Variants in ERCC5 observed in about 807,000 individuals in gnomAD.
The protein encoded by ERCC5 is ERCC excision repair 5, endonuclease.
Under a neutral mutation model 105.6 loss-of-function variants are expected in ERCC5, and 68 were observed. The observed-to-expected ratio is 0.64, with a 90% confidence interval of 0.53 to 0.79. ERCC5 has a LOEUF of 0.79. ERCC5 is among the 30% of genes least tolerant of loss of function. The probability of loss-of-function intolerance (pLI) is 0.00; values close to 1 mark genes in which losing one functional copy is unlikely to be tolerated. For missense variants in ERCC5, 1,373 were observed against 1,426.7 expected (o/e 0.96, Z 0.61); for synonymous variants, 546 against 526.2 (o/e 1.04, Z -0.51).
chr13:102,872,442 A>G, intron 13 of ERCC5, 44 bp downstream of exon 13: 6 of 1,607,874 alleles, frequency 3.7e-6, no homozygotes, highest in Non-Finnish European at 5.1e-6. Context: ...CTTGTCAAAT[A>G]TGTGTTTGGT....
At chr13:102,859,232 C>A (rs4150301) in intron 6 of ERCC5, among the ~76,000 whole-genome samples, 9,463 of 152,254 alleles carry the variant, frequency 0.062, 982 homozygotes, top group African/African-American at 0.22. Flanking sequence ...AGGACAGAAT[C>A]GAAATTTTGC....
rs1882653280 is a variant in ERCC5 at position 102,862,260 on chromosome 13, G to A, written c.1111G>A (p.Gly371Arg). ...GAGTGAAAATCGAAGGCAGGCCCGT[G>A]GGAGGAACGCACCTGCTGCTGTAGA... ...LESENRRQAR[G>R]RNAPAAVDEG... is the part of the protein sequence containing the mutation. The change falls in exon 8 of 15, where the codon GGG (glycine) becomes AGG (arginine). Residue 371 changes from glycine to arginine, a missense_variant. Gly to Arg is a moderately radical substitution (Grantham distance 125). Transcript: ENST00000652225. The A allele has an allele frequency of 6.2e-7, 1 of 1,613,994 alleles. No individual in the cohort carries two copies. Among genetic ancestry groups the A allele is most frequent in the South Asian group, 1.1e-5 (1 of 91,088 alleles).
intron 5 of ERCC5, among the ~76,000 whole-genome samples, chr13:102,857,201 G>A: frequency 6.6e-6 from 1 of 152,152 alleles, no homozygotes; most frequent in East Asian, 1.9e-4. Context: ...AAAACCTCGA[G>A]ATCCTTCAGG....
chr13:102,866,098 G>A, intron 9 of ERCC5, 164 bp from the exon 10 acceptor site: 1 of 1,438,192 alleles, frequency 7.0e-7, no homozygotes, highest in Non-Finnish European at 9.6e-7. Context: ...GTTTAGTGAT[G>A]AATCTCTAAA....
intron 13 of ERCC5, 78 bp downstream of exon 13, chr13:102,872,476 T>C: frequency 6.4e-7 from 1 of 1,551,248 alleles, no homozygotes. Flanking sequence ...AAGAGAAACT[T>C]GGATCATTTT....
intron 2 of ERCC5, among the ~76,000 whole-genome samples, chr13:102,852,796 A>G (rs1023528589): frequency 2.6e-5 from 4 of 152,266 alleles, no homozygotes; most frequent in African/African-American, 9.6e-5. Flanking sequence ...TAGAAGAGTC[A>G]GAATGAGTTG....
At chr13:102,860,732 T>C (rs868310056) in intron 6 of ERCC5, among the ~76,000 whole-genome samples, 13 of 152,172 alleles carry the variant, frequency 8.5e-5, no homozygotes, top group Admixed American at 1.3e-4. Context: ...AATGAGGTAT[T>C]ATATGTAAAA....
At chr13:102,874,621 A>T (rs983434544) in intron 14 of ERCC5, 1 of 152,268 alleles carries the variant, frequency 6.6e-6, no homozygotes, top group Non-Finnish European at 1.5e-5. Flanking sequence ...TCCCGGGTTC[A>T]CGCCATTCTC....
intron 1 of ERCC5, chr13:102,849,163 T>C: frequency 1.9e-6 from 1 of 519,020 alleles, no homozygotes; most frequent in Non-Finnish European, 3.8e-6. Flanking sequence ...ACAAGACAGA[T>C]GCACATCAAC....
At chr13:102,864,318 G>A (rs1036908471) in intron 8 of ERCC5, among the ~76,000 whole-genome samples, 3 of 152,164 alleles carry the variant, frequency 2.0e-5, no homozygotes, top group Admixed American at 1.3e-4. Context: ...ATCCATTGAT[G>A]TTTACCTGAA....
chr13:102,866,292 T>G lies in ERCC5; in HGVS notation c.2230T>G (p.Leu744Val), dbSNP rs1279680274. 6.2e-7 allele frequency: 1 copy of G among 1,614,230 alleles called. No homozygotes were observed. Among genetic ancestry groups the G allele is most frequent in the South Asian group, 1.1e-5 (1 of 91,092 alleles). Residue 744 changes from leucine (L) to valine (V), a missense_variant, in exon 10 of 15, where the codon TTA becomes GTA. Coordinates refer to ENST00000652225, the MANE Select transcript of ERCC5 (RefSeq NM_000123.4). Reference sequence around the variant, plus strand: ...GTTGGAAACTCTGGAGAGCAACCTCTTAGCACAGCAGAATTCACTGAAAGC... The same window carrying G: ...GTTGGAAACTCTGGAGAGCAACCTCGTAGCACAGCAGAATTCACTGAAAGC... ...EELETLESNLLAQQNSLKAQK... is the reference protein window; with the variant it reads ...EELETLESNLVAQQNSLKAQK...
chr13:102,873,587 A>T (rs1300024624), intron 14 of ERCC5, among the ~76,000 whole-genome samples: 1 of 152,222 alleles, frequency 6.6e-6, no homozygotes, highest in Admixed American at 6.5e-5. Flanking sequence ...TGAAAAAACC[A>T]GTCTAATAAC....
intron 1 of ERCC5, among the ~76,000 whole-genome samples, 166 bp downstream of exon 1, chr13:102,846,520 C>T (rs1881970500): frequency 6.6e-6 from 1 of 152,122 alleles, no homozygotes; most frequent in South Asian, 2.1e-4. Flanking sequence ...AGTCGTCCCT[C>T]GGTATCCCCG....
At chr13:102,851,371 T>G (rs1882194415) in intron 1 of ERCC5, among the ~76,000 whole-genome samples, 1 of 152,188 alleles carries the variant, frequency 6.6e-6, no homozygotes. Context: ...CTCGGCTCAC[T>G]GCAACCTCTG....
In ERCC5 at chr13:102,870,773, A is replaced by C. The variant is rs77079287; in HGVS notation, c.2679-1425A>C. 1.3e-3 allele frequency among the ~76,000 whole-genome samples: 201 copies of C among 152,308 alleles called. 2 individuals carry two copies. In the East Asian group the frequency reaches 0.016, roughly 12 times the overall value. ...GCTAGATGGCACTCCTGCATCGGTG[A>C]GGCGGACCCTGGCCCTGACAGCCGG... is the stretch of plus-strand genomic sequence containing the variant. On this transcript the variant is annotated intron_variant, in intron 12 of 14. Coordinates refer to ENST00000652225, the MANE Select transcript of ERCC5 (RefSeq NM_000123.4).
In ERCC5 at chr13:102,862,311, CTT is replaced by C. The variant is rs775372737; in HGVS notation, c.1164_1165del (p.Ala390HisfsTer2). 5.0e-6 allele frequency: 8 copies of C among 1,614,042 alleles called. No homozygotes were observed. Among genetic ancestry groups the C allele is most frequent in the Non-Finnish European group, 6.8e-6 (8 of 1,180,040 alleles). The part of the protein sequence containing the change: ...VDEGSISPRT[L>X]SAIKRALDDD... ...CGAAGGCTCCATATCACCCCGGACT[CTT>C]TCAGCCATTAAGAGAGCTCTTGACG... On this transcript the variant is annotated frameshift_variant, in exon 8 of 15. Transcript: ENST00000652225. LOFTEE classifies it high-confidence loss of function.
At chr13:102,863,581 C>T (rs936751653) in intron 8 of ERCC5, among the ~76,000 whole-genome samples, 7 of 152,036 alleles carry the variant, frequency 4.6e-5, no homozygotes, top group African/African-American at 1.7e-4. Flanking sequence ...TTTGTAGATT[C>T]CATATTTGCA....
chr13:102,855,310 C>T (rs539782809), intron 4 of ERCC5, among the ~76,000 whole-genome samples: 1 of 151,974 alleles, frequency 6.6e-6, no homozygotes, highest in African/African-American at 2.4e-5. Context: ...AGTGCAGTGG[C>T]ACAATCTCAG....
intron 12 of ERCC5, among the ~76,000 whole-genome samples, chr13:102,870,053 A>G (rs1882982067): frequency 6.6e-6 from 1 of 152,244 alleles, no homozygotes; most frequent in African/African-American, 2.4e-5. Context: ...AAGAGCAGGA[A>G]GGATGGTGGG....
Sources: allele counts gnomAD v4.1 joint callset (sites outside exome capture counted in the v4.1 genomes callset), GRCh38; gene constraint gnomAD v4.1.1; transcripts MANE v1.5; gene names NCBI Gene and HGNC (gene_info 2026-07-23, HGNC 2026-07-21).